PLCH1: variants seen among roughly 807,000 people sequenced by gnomAD.
The protein encoded by PLCH1 is phospholipase C eta 1, also known as 1-phosphatidylinositol 4,5-bisphosphate phosphodiesterase eta-1.
Under a neutral mutation model 126.7 loss-of-function variants are expected in PLCH1, and 60 were observed. The ratio of observed to expected loss-of-function variants is 0.47; its 90% CI spans 0.38 to 0.59. PLCH1 has a LOEUF of 0.59. Ranked by LOEUF, PLCH1 falls within the 20% of genes least tolerant of loss-of-function variation. The pLI is 0.00. For synonymous variants in PLCH1, 719 were observed against 734.9 expected (o/e 0.98, Z 0.35); for missense variants, 1,723 against 2,040.0 (o/e 0.84, Z 2.99).
intron 8 of PLCH1, among the ~76,000 whole-genome samples, chr3:155,555,358 A>G (rs1452856378): frequency 6.6e-6 from 1 of 152,164 alleles, no homozygotes; most frequent in Non-Finnish European, 1.5e-5. Context: ...ACTTCCAGGT[A>G]TGGTTGACAG....
chr3:155,595,840 G>A (rs1483650840), intron 3 of PLCH1, among the ~76,000 whole-genome samples: 1 of 152,006 alleles, frequency 6.6e-6, no homozygotes, highest in Non-Finnish European at 1.5e-5. Context: ...AAATTTAAAT[G>A]GTGTTGTTAA....
In PLCH1 at chr3:155,494,534, G is replaced by C; in HGVS notation, c.1895-17C>G. Reference sequence around the variant, plus strand: ...CTGTGGTTCCTGGCAGTTTTTAATCGAGAAAAAAGGAAGTGAGAACTACAG... The same window carrying C: ...CTGTGGTTCCTGGCAGTTTTTAATCCAGAAAAAAGGAAGTGAGAACTACAG... On this transcript the variant is annotated splice_polypyrimidine_tract_variant and intron_variant, in intron 15 of 22. Coordinates refer to ENST00000460012, the MANE Select transcript of PLCH1 (RefSeq NM_014996.4). 7.0e-7 allele frequency: 1 copy of C among 1,436,924 alleles called. No homozygotes were observed. The highest frequency in any genetic ancestry group is 9.1e-7 in the Non-Finnish European group (1 of 1,093,870). 89.0% of individuals were successfully genotyped at this position (1,436,924 alleles called of 1,614,324 possible).
intron 5 of PLCH1, among the ~76,000 whole-genome samples, chr3:155,584,042 G>C (rs185836934): frequency 6.6e-6 from 1 of 151,704 alleles, no homozygotes; most frequent in Admixed American, 6.6e-5. Context: ...AATTACTAGA[G>C]AGCAAAGATT....
intron 2 of PLCH1, among the ~76,000 whole-genome samples, chr3:155,613,139 G>A (rs1367798414): frequency 2.0e-5 from 3 of 152,008 alleles, no homozygotes; most frequent in Non-Finnish European, 4.4e-5. Flanking sequence ...AACAAGCAGT[G>A]AGAATGAAAC....
At chr3:155,588,694 A>C (rs200822921) in intron 4 of PLCH1, among the ~76,000 whole-genome samples, 2 of 152,200 alleles carry the variant, frequency 1.3e-5, no homozygotes, top group East Asian at 3.8e-4. Flanking sequence ...CAACACGGAA[A>C]TCGGCCTTGA....
chr3:155,522,824 G>T (rs1721288818), intron 11 of PLCH1, among the ~76,000 whole-genome samples: 2 of 151,600 alleles, frequency 1.3e-5, no homozygotes, highest in African/African-American at 4.9e-5. Flanking sequence ...GCTCCTCTCA[G>T]GTTGCTGTGT....
At chr3:155,494,551 G>T in intron 15 of PLCH1, 34 bp from the exon 16 acceptor site, 1 of 1,542,144 alleles carries the variant, frequency 6.5e-7, no homozygotes, top group Non-Finnish European at 8.9e-7. Context: ...AAGGAAGTGA[G>T]AACTACAGCA....
At chr3:155,721,817 G>T (rs1488795393) in intron 1 of PLCH1, among the ~76,000 whole-genome samples, 1 of 152,154 alleles carries the variant, frequency 6.6e-6, no homozygotes, top group Non-Finnish European at 1.5e-5. Flanking sequence ...GGAAGCCAAG[G>T]TGGGCTGATC....
chr3:155,730,413 C>T (rs1300554845), intron 1 of PLCH1, among the ~76,000 whole-genome samples: 11 of 152,092 alleles, frequency 7.2e-5, no homozygotes, highest in African/African-American at 2.4e-4. Flanking sequence ...TCCCAAGTAG[C>T]TGGGACTACA....
At chr3:155,651,626 G>T (rs1740727566) in intron 2 of PLCH1, among the ~76,000 whole-genome samples, 1 of 152,172 alleles carries the variant, frequency 6.6e-6, no homozygotes, top group Non-Finnish European at 1.5e-5. Flanking sequence ...TAAAACTCTG[G>T]AGCTTAATGT....
intron 2 of PLCH1, among the ~76,000 whole-genome samples, chr3:155,694,720 G>C (rs1404667520): frequency 6.6e-6 from 1 of 152,158 alleles, no homozygotes; most frequent in African/African-American, 2.4e-5. Flanking sequence ...CCTACCCAGA[G>C]AGGTGTTTAC....
At chr3:155,585,889 T>G (rs974225728) in intron 5 of PLCH1, among the ~76,000 whole-genome samples, 176 bp downstream of exon 5, 9 of 152,216 alleles carry the variant, frequency 5.9e-5, no homozygotes, top group Non-Finnish European at 1.2e-4. Context: ...GGACGAATGT[T>G]AAATTTATAA....
rs757653002 is a variant in PLCH1, at chr3:155,494,222, G to A, written c.2101C>T (p.Arg701Ter). 5.0e-6 allele frequency: 8 copies of A among 1,613,856 alleles called. No homozygotes were observed. The highest frequency in any genetic ancestry group is 1.3e-5 in the African/African-American group (1 of 74,888). The change falls in exon 17 of 23, where the codon CGA becomes TGA. Residue 701 changes from arginine (R) to a stop codon, truncating the protein, a stop_gained. Transcript: ENST00000460012. LOFTEE classifies it high-confidence loss of function. ...TTGGCTCGGTTTAACTGCATCATTC[G>A]TCCTTCAGATTGATAATTCAGTGCC... Reference protein sequence around the residue: ...LVALNYQSEGRMMQLNRAKFK... With the variant: ...LVALNYQSEG
intron 21 of PLCH1, among the ~76,000 whole-genome samples, chr3:155,451,900 A>G (rs988332947): frequency 1.2e-4 from 19 of 152,060 alleles, no homozygotes; most frequent in Non-Finnish European, 1.6e-4. Context: ...AGGCCTTCCT[A>G]CTCAAACTGG....
chr3:155,721,860 C>CAAA (rs1747969040), intron 1 of PLCH1, among the ~76,000 whole-genome samples: 1 of 151,978 alleles, frequency 6.6e-6, no homozygotes, highest in Non-Finnish European at 1.5e-5. Flanking sequence ...CCAGCCTGGC[C>CAAA]AACATGGTGA....
intron 2 of PLCH1, among the ~76,000 whole-genome samples, chr3:155,701,240 T>G (rs1746248708): frequency 6.6e-6 from 1 of 152,226 alleles, no homozygotes; most frequent in African/African-American, 2.4e-5. Context: ...CTTTGGGTTC[T>G]GGGATTGTGG....
At chr3:155,707,353 C>T (rs1189171268) in intron 1 of PLCH1, among the ~76,000 whole-genome samples, 1 of 152,142 alleles carries the variant, frequency 6.6e-6, no homozygotes, top group Non-Finnish European at 1.5e-5. Context: ...AAGAAATAAG[C>T]CATCCCTCTG....
In PLCH1 at chr3:155,544,733, T is replaced by A. The variant is rs1291962072; in HGVS notation, c.1362+5054A>T. On this transcript the variant is annotated intron_variant, in intron 10 of 22. Transcript: ENST00000460012. ...AAACTAGAACTCAGGATTAAGAAAC[T>A]CACTCAAAACCACTCAACTACATGG... 5.3e-5 allele frequency among the ~76,000 whole-genome samples: 8 copies of A among 151,040 alleles called. No homozygotes were observed. The South Asian group carries it at 1.5e-3, about 28-fold the overall frequency.
intron 15 of PLCH1, 42 bp from the exon 16 acceptor site, chr3:155,494,559 G>A (rs377481171): frequency 4.5e-5 from 67 of 1,503,150 alleles, no homozygotes; most frequent in Admixed American, 6.8e-5. Context: ...GAGAACTACA[G>A]CAAAGAAAAC....
Sources: allele counts gnomAD v4.1 joint callset (sites outside exome capture counted in the v4.1 genomes callset), GRCh38; gene constraint gnomAD v4.1.1; transcripts MANE v1.5; gene names NCBI Gene and HGNC (gene_info 2026-07-23, HGNC 2026-07-21).